Variants in SYNDIG1 observed in about 807,000 individuals in gnomAD.
SYNDIG1 encodes synapse differentiation inducing 1, also known as synapse differentiation-inducing gene protein 1.
In SYNDIG1, 9 loss-of-function variants were observed where a neutral mutation model predicts 19.4. That is an observed-to-expected ratio of 0.46 (90% CI 0.28 to 0.81). The LOEUF (loss-of-function observed/expected upper bound fraction) is 0.81. Among genes scored for constraint, SYNDIG1 ranks in the 30% least tolerant of loss-of-function variants. The pLI, the probability that SYNDIG1 is intolerant of heterozygous loss-of-function variation, is 0.12. For missense variants in SYNDIG1, 311 were observed against 343.3 expected, an observed-to-expected ratio of 0.91 and a Z score of 0.74; for synonymous variants, 141 against 145.9, an observed-to-expected ratio of 0.97 and a Z score of 0.24.
intron 2 of SYNDIG1, among the ~76,000 whole-genome samples, chr20:24,578,744 C>G (rs983421860): frequency 1.3e-5 from 2 of 152,320 alleles, no homozygotes; most frequent in East Asian, 1.9e-4. Flanking sequence ...CAGCAGGGAG[C>G]TCCCTGCAGG....
At chr20:24,655,996 G>A (rs554461841) in intron 3 of SYNDIG1, among the ~76,000 whole-genome samples, 1 of 152,350 alleles carries the variant, frequency 6.6e-6, no homozygotes, top group East Asian at 1.9e-4. Flanking sequence ...TGTACTATGG[G>A]ACCTATAGGG....
intron 2 of SYNDIG1, among the ~76,000 whole-genome samples, chr20:24,548,445 T>C (rs1292777189): frequency 2.0e-5 from 3 of 152,200 alleles, no homozygotes; most frequent in Non-Finnish European, 2.9e-5. Context: ...GACACAGAAT[T>C]CTATAACTGC....
chr20:24,499,139 C>T (rs2056378321), intron 1 of SYNDIG1, among the ~76,000 whole-genome samples: 1 of 152,182 alleles, frequency 6.6e-6, no homozygotes, highest in Non-Finnish European at 1.5e-5. Flanking sequence ...ATTCTCCTGC[C>T]TCAGCCTCCC....
At chr20:24,590,122 T>C (rs975637670) in intron 3 of SYNDIG1, among the ~76,000 whole-genome samples, 1 of 152,178 alleles carries the variant, frequency 6.6e-6, no homozygotes, top group Non-Finnish European at 1.5e-5. Context: ...AGAAACGTTT[T>C]TAACAGGGTG....
intron 3 of SYNDIG1, among the ~76,000 whole-genome samples, chr20:24,624,230 C>G (rs117438843): frequency 7.2e-6 from 1 of 138,296 alleles, no homozygotes; most frequent in Non-Finnish European, 1.5e-5. Flanking sequence ...CAATCCAGCC[C>G]GGGTGACAGA....
chr20:24,582,217 C>A (rs1180402344), intron 2 of SYNDIG1, among the ~76,000 whole-genome samples: 16 of 132,570 alleles, frequency 1.2e-4, no homozygotes, highest in Middle Eastern at 4.0e-3. Context: ...GCACTTCCTC[C>A]CCACTTTATA....
At chr20:24,578,117 A>G (rs1251183823) in intron 2 of SYNDIG1, among the ~76,000 whole-genome samples, 3 of 152,234 alleles carry the variant, frequency 2.0e-5, no homozygotes, top group African/African-American at 7.2e-5. Context: ...TTTGGATAAA[A>G]TGTGCAGATT....
chr20:24,529,716 G>A (rs2057201794), intron 1 of SYNDIG1, among the ~76,000 whole-genome samples: 1 of 151,936 alleles, frequency 6.6e-6, no homozygotes, highest in Non-Finnish European at 1.5e-5. Flanking sequence ...CCAAATCCTG[G>A]CAGTAGTGTC....
intron 2 of SYNDIG1, among the ~76,000 whole-genome samples, chr20:24,546,497 T>C (rs1014677318): frequency 6.6e-6 from 1 of 152,206 alleles, no homozygotes; most frequent in Non-Finnish European, 1.5e-5. Context: ...AGCCAGCCTC[T>C]GGTGGGCTGT....
intron 1 of SYNDIG1, among the ~76,000 whole-genome samples, chr20:24,529,929 G>T (rs1311781736): frequency 2.1e-5 from 1 of 48,602 alleles, no homozygotes; most frequent in Non-Finnish European, 4.3e-5. Flanking sequence ...GGTATCAATG[G>T]TGGGGATAAT....
intron 3 of SYNDIG1, among the ~76,000 whole-genome samples, chr20:24,652,849 C>G (rs1316484967): frequency 1.3e-5 from 2 of 152,154 alleles, no homozygotes; most frequent in Non-Finnish European, 2.9e-5. Context: ...TGGAGGGGAG[C>G]CCCTGGGAAT....
intron 3 of SYNDIG1, among the ~76,000 whole-genome samples, chr20:24,594,318 C>A (rs867187485): frequency 2.6e-5 from 4 of 152,104 alleles, no homozygotes; most frequent in Admixed American, 2.6e-4. Context: ...CTTGTTTTGT[C>A]GACTTTGTCG....
chr20:24,548,093 TC>T (rs1430505695), intron 2 of SYNDIG1, among the ~76,000 whole-genome samples: 2 of 152,146 alleles, frequency 1.3e-5, no homozygotes, highest in African/African-American at 2.4e-5. Context: ...GGCCATCGAA[TC>T]CTCGAAGCGC....
chr20:24,640,649 G>T (rs1055180046), intron 3 of SYNDIG1, among the ~76,000 whole-genome samples: 1 of 152,124 alleles, frequency 6.6e-6, no homozygotes, highest in Non-Finnish European at 1.5e-5. Context: ...CTATGAAATT[G>T]ACTGGAAGGA....
intron 1 of SYNDIG1, among the ~76,000 whole-genome samples, chr20:24,476,627 G>A (rs1188871194): frequency 1.3e-5 from 2 of 151,506 alleles, no homozygotes; most frequent in African/African-American, 4.9e-5. Flanking sequence ...CCGAGATCCC[G>A]CCACTACACT....
In SYNDIG1 at chr20:24,544,295, C is replaced by A. The variant is rs115194734; in HGVS notation, c.480+718C>A. ...GAGAGCAGCTGCTGCAGGCCATGGA[C>A]TAGCGGTTTGCTGCCCATGCCTCCC... On this transcript the variant is annotated intron_variant, in intron 2 of 3. Coordinates refer to ENST00000376862, the MANE Select transcript of SYNDIG1 (RefSeq NM_024893.3). 4.1e-3 allele frequency among the ~76,000 whole-genome samples: 627 copies of A among 152,304 alleles called. 4 individuals are homozygous for A. Among genetic ancestry groups the A allele is most frequent in the African/African-American group, 0.014 (601 of 41,558 alleles).
intron 1 of SYNDIG1, among the ~76,000 whole-genome samples, chr20:24,470,923 T>C (rs183108786): frequency 8.0e-5 from 12 of 150,570 alleles, no homozygotes; most frequent in African/African-American, 2.7e-4. Flanking sequence ...TCCTGGTGTT[T>C]AGTGCAGCAG....
chr20:24,562,507 C>T (rs1224035236), intron 2 of SYNDIG1, among the ~76,000 whole-genome samples: 1 of 152,188 alleles, frequency 6.6e-6, no homozygotes, highest in African/African-American at 2.4e-5. Flanking sequence ...TATCTTTACA[C>T]TATTATCTTA....
intron 3 of SYNDIG1, among the ~76,000 whole-genome samples, chr20:24,603,112 G>A (rs2058702867): frequency 6.6e-6 from 1 of 152,156 alleles, no homozygotes; most frequent in Non-Finnish European, 1.5e-5. Flanking sequence ...CTGCCACATT[G>A]TAGGTGCTCA....
Sources: allele counts gnomAD v4.1 joint callset (sites outside exome capture counted in the v4.1 genomes callset), GRCh38; gene constraint gnomAD v4.1.1; transcripts MANE v1.5; gene names NCBI Gene and HGNC (gene_info 2026-07-23, HGNC 2026-07-21).